PPARA: variants seen among roughly 807,000 people sequenced by gnomAD.
The protein encoded by PPARA is peroxisome proliferator activated receptor alpha.
Under a neutral mutation model 42.2 loss-of-function variants are expected in PPARA, and 22 were observed. That is an observed-to-expected ratio of 0.52 (90% CI 0.37 to 0.74). The LOEUF (loss-of-function observed/expected upper bound fraction) is 0.74. Ranked by LOEUF, PPARA falls within the 30% of genes least tolerant of loss-of-function variation. The pLI is 0.00. For missense variants in PPARA, 465 were observed against 608.2 expected, an observed-to-expected ratio of 0.76 and a Z score of 2.48; for synonymous variants, 242 against 239.3, an observed-to-expected ratio of 1.01 and a Z score of -0.10.
At chr22:46,213,403 C>CTTTTT (rs61615727) in intron 4 of PPARA, among the ~76,000 whole-genome samples, 2 of 134,862 alleles carry the variant, frequency 1.5e-5, no homozygotes, top group Admixed American at 7.5e-5. Flanking sequence ...CATTTTCTTT[C>CTTTTT]TTTTTTTTTT....
In PPARA at chr22:46,227,616, AT is replaced by A. The variant is rs1202248007; in HGVS notation, c.712-4174del. ...GAGATGAATTCTCATGAGTGATATC[AT>A]TGAGCTTCGTAGGCCACATGAGTGT... On this transcript the variant is annotated intron_variant, in intron 7 of 8. Transcript: ENST00000407236. This position sits in a 1 kb window ranked among gnomAD's most constrained non-coding sequence, Gnocchi z 4.3. Among the ~76,000 whole-genome samples, 1 of 152,198 alleles carries A rather than the reference AT, an allele frequency of 6.6e-6. No individual in the cohort carries two copies. The highest frequency in any genetic ancestry group is 1.5e-5 in the Non-Finnish European group (1 of 68,046).
At chr22:46,210,179 C>T (rs2147497258) in intron 4 of PPARA, among the ~76,000 whole-genome samples, 1 of 151,944 alleles carries the variant, frequency 6.6e-6, no homozygotes, top group African/African-American at 2.4e-5. Context: ...CACAGTGGCA[C>T]ATGCCTGTAA....
At chr22:46,197,551 T>C (rs1052378645) in intron 3 of PPARA, among the ~76,000 whole-genome samples, 2 of 152,176 alleles carry the variant, frequency 1.3e-5, no homozygotes, top group Non-Finnish European at 2.9e-5. Context: ...TCAGTGGTGC[T>C]CCTGTGTAGA....
rs1046363356 is a variant in PPARA, at chr22:46,156,990, G to C, written c.-127+5020G>C. 6.6e-6 allele frequency among the ~76,000 whole-genome samples: 1 copy of C among 152,126 alleles called. No homozygotes were observed. Among genetic ancestry groups the C allele is most frequent in the Non-Finnish European group, 1.5e-5 (1 of 68,032 alleles). On this transcript the variant is annotated intron_variant, in intron 2 of 8. Coordinates refer to ENST00000407236, the MANE Select transcript of PPARA (RefSeq NM_005036.6). The surrounding 1 kb of genome is among the most constrained non-coding windows in gnomAD (Gnocchi z 5.2). ...CTTACTCCAACTCCATGGCATACCT[G>C]GACCAGGCCTCTTCATCTTGAAGAG...
At chr22:46,151,603 A>C (rs1379655515) in intron 1 of PPARA, among the ~76,000 whole-genome samples, 1 of 152,254 alleles carries the variant, frequency 6.6e-6, no homozygotes, top group African/African-American at 2.4e-5. Flanking sequence ...ACAGTTGTCC[A>C]ATGGCCTGGG....
intron 3 of PPARA, among the ~76,000 whole-genome samples, chr22:46,194,796 A>G (rs1601707128): frequency 6.9e-6 from 1 of 145,386 alleles, no homozygotes; most frequent in Admixed American, 6.9e-5. Flanking sequence ...CTGGTTTTGA[A>G]CTCCTGACCT....
Position 46,160,936 on chromosome 22 carries a change from CT to C in PPARA, c.-127+8973del, listed in dbSNP as rs1298590173. Among the ~76,000 whole-genome samples the C allele has an allele frequency of 3.3e-5, 5 of 152,172 alleles. No homozygotes were observed. Among genetic ancestry groups the C allele is most frequent in the African/African-American group, 4.8e-5 (2 of 41,440 alleles). ...CACTCTGGAAACCAAAAATTATTGGCTTTTTTTCCTGTTGCATTCCCTTTAC... is the reference window on the plus strand; with the variant it reads ...CACTCTGGAAACCAAAAATTATTGGCTTTTTTCCTGTTGCATTCCCTTTAC... On this transcript the variant is annotated intron_variant, in intron 2 of 8. Coordinates refer to ENST00000407236, the MANE Select transcript of PPARA (RefSeq NM_005036.6). This position sits in a 1 kb window ranked among gnomAD's most constrained non-coding sequence, Gnocchi z 4.5.
chr22:46,169,744 T>C (rs546549554), intron 2 of PPARA, among the ~76,000 whole-genome samples: 1 of 152,188 alleles, frequency 6.6e-6, no homozygotes, highest in East Asian at 1.9e-4. Context: ...ACTGATTATG[T>C]TATTAAGAGA....
rs1023316772 is a variant in PPARA at position 46,180,914 on chromosome 22, C to T, written c.-43+4078C>T. ...TGGTGCCAATGGGAGGACTTTAGCC[C>T]GGAAAGGAGATTGGCTCTCCTGCAT... is the stretch of plus-strand genomic sequence containing the variant. On this transcript the variant is annotated intron_variant, in intron 3 of 8. Transcript: ENST00000407236. The surrounding 1 kb of genome is among the most constrained non-coding windows in gnomAD (Gnocchi z 4.2). Among the ~76,000 whole-genome samples the T allele has an allele frequency of 7.9e-5, 12 of 152,286 alleles. No individual in the cohort carries two copies. The highest frequency in any genetic ancestry group is 2.1e-4 in the South Asian group (1 of 4,824).
At chr22:46,202,151 C>A (rs901148558) in intron 4 of PPARA, among the ~76,000 whole-genome samples, 13 of 152,074 alleles carry the variant, frequency 8.5e-5, no homozygotes, top group African/African-American at 2.4e-5. Flanking sequence ...CTGCCCAGCC[C>A]CCTCCTGCCT....
chr22:46,180,570 A>C lies in PPARA; in HGVS notation c.-43+3734A>C, dbSNP rs1249305762. On this transcript the variant is annotated intron_variant, in intron 3 of 8. Transcript: ENST00000407236. The surrounding 1 kb of genome is among the most constrained non-coding windows in gnomAD (Gnocchi z 4.2). ...GCAAAACATGTTTTTCTTAAGATGTAAGGCATGTCACAAGAATATCACAAG... is the reference window on the plus strand; with the variant it reads ...GCAAAACATGTTTTTCTTAAGATGTCAGGCATGTCACAAGAATATCACAAG... Among the ~76,000 whole-genome samples the C allele has an allele frequency of 1.3e-5, 2 of 152,210 alleles. No individual in the cohort carries two copies. Among genetic ancestry groups the C allele is most frequent in the Admixed American group, 1.3e-4 (2 of 15,278 alleles).
chr22:46,205,836 A>G (rs973354341), intron 4 of PPARA, among the ~76,000 whole-genome samples: 1 of 151,916 alleles, frequency 6.6e-6, no homozygotes, highest in South Asian at 2.1e-4. Flanking sequence ...TTATTATGAA[A>G]TTGCTGTTGT....
In PPARA at chr22:46,211,649, C is replaced by T. The variant is rs949370323; in HGVS notation, c.209-3524C>T. ...AAAGTTCTGTGGGTTTTCACAAATG[C>T]GTAGTGTCATGTATCCACCACTACA... On this transcript the variant is annotated intron_variant, in intron 4 of 8. Coordinates refer to ENST00000407236, the MANE Select transcript of PPARA (RefSeq NM_005036.6). This position sits in a 1 kb window ranked among gnomAD's most constrained non-coding sequence, Gnocchi z 4.1. Among the ~76,000 whole-genome samples, 5 of 152,148 alleles carry T rather than the reference C, an allele frequency of 3.3e-5. No homozygotes were observed. In the South Asian group the frequency reaches 6.2e-4, roughly 19 times the overall value.
At position 46,156,011 on chromosome 22, in the gene PPARA, T is replaced by A. The variant is rs1601590698; in HGVS notation, c.-127+4041T>A. ...TAATTAGCATCTTTTAATAGTGATA[T>A]TACGGTGTCTTAAAAGTTTATGCAT... On this transcript the variant is annotated intron_variant, in intron 2 of 8. Transcript: ENST00000407236. This position sits in a 1 kb window ranked among gnomAD's most constrained non-coding sequence, Gnocchi z 5.2. The A allele has an allele frequency of 6.6e-6, 1 of 152,356 alleles. No homozygotes were observed. Among genetic ancestry groups the A allele is most frequent in the Middle Eastern group, 3.4e-3 (1 of 294 alleles). The allele number at this position is 152,356 out of a possible 1,614,324, so 9.4% of individuals were successfully genotyped here.
rs368037500 is a variant in PPARA at position 46,219,762 on chromosome 22, G to A, written c.509-50G>A. The A allele has an allele frequency of 1.2e-4, 191 of 1,579,550 alleles. No individual in the cohort carries two copies. The African/African-American group carries it at 2.2e-3, about 18-fold the overall frequency. ...GAGCCCCTCGTCCAGCCCTGTCCGC[G>A]CAGTCATGACCTCACTGCTCATGCC... On this transcript the variant is annotated intron_variant, in intron 6 of 8. Transcript: ENST00000407236. The surrounding 1 kb of genome is among the most constrained non-coding windows in gnomAD (Gnocchi z 4.8).
At position 46,218,269 on chromosome 22, in the gene PPARA, T is replaced by A; in HGVS notation, c.376T>A (p.Phe126Ile). The part of the protein sequence containing the change: ...VHACEGCKGF[F>I]RRTIRLKLVY... ...CTGTGTATTACCCTCACAGGGCTTC[T>A]TTCGGCGAACGATTCGACTCAAGCT... The change falls in exon 6 of 9, where the codon TTT becomes ATT. Residue 126 changes from phenylalanine to isoleucine, a missense_variant. Phe to Ile is a conservative substitution (Grantham distance 21, BLOSUM62 0). Around this residue, in one of 2 missense-constraint regions of PPARA, gnomAD observed 313 missense variants for 469.1 expected, o/e 0.67. Transcript: ENST00000407236. The A allele has an allele frequency of 6.2e-7, 1 of 1,614,200 alleles. No homozygotes were observed. The highest frequency in any genetic ancestry group is 8.5e-7 in the Non-Finnish European group (1 of 1,180,038).
At chr22:46,205,519 C>CATATATATATATATATATAT (rs552533545) in intron 4 of PPARA, among the ~76,000 whole-genome samples, 12 of 34,432 alleles carry the variant, frequency 3.5e-4, no homozygotes, top group Non-Finnish European at 5.4e-4. Flanking sequence ...CATGCCCAGC[C>CATATATATATATATATATAT]ATATATATAT....
intron 4 of PPARA, among the ~76,000 whole-genome samples, chr22:46,214,457 A>G (rs1934251236): frequency 6.6e-6 from 1 of 150,626 alleles, no homozygotes; most frequent in Non-Finnish European, 1.5e-5. Context: ...GTGGGTCCGG[A>G]GATGCGCAGA....
At chr22:46,208,294 T>A (rs1290463478) in intron 4 of PPARA, among the ~76,000 whole-genome samples, 1 of 152,082 alleles carries the variant, frequency 6.6e-6, no homozygotes, top group African/African-American at 2.4e-5. Flanking sequence ...CCAGGCCCAA[T>A]CCCAGCACTT....
Sources: gnomAD v4.1 joint callset for allele counts (sites outside exome capture counted in the v4.1 genomes callset) on GRCh38, gnomAD v4.1.1 for gene constraint, gnomAD v4.1.1 regional missense constraint, Gnocchi (gnomAD v3.1) non-coding constraint, MANE v1.5 for transcripts, NCBI Gene and HGNC (gene_info 2026-07-23, HGNC 2026-07-21) for gene names.